Variants in BICDL1 observed in about 807,000 individuals in gnomAD.
The protein encoded by BICDL1 is BICD family-like cargo adapter 1.
A neutral mutation model predicts 76.8 loss-of-function variants in BICDL1; 20 were observed. The ratio of observed to expected loss-of-function variants is 0.26; its 90% CI spans 0.18 to 0.38. The LOEUF (loss-of-function observed/expected upper bound fraction) is 0.38, where lower values mean the gene tolerates loss of function less well. Among genes scored for constraint, BICDL1 ranks in the 10% least tolerant of loss-of-function variants. BICDL1 has a pLI of 1.00. For synonymous variants in BICDL1, 383 were observed against 337.1 expected (o/e 1.14, Z -1.49); for missense variants, 700 against 798.6 (o/e 0.88, Z 1.49).
chr12:120,070,586 T>A (rs1421847507), intron 4 of BICDL1, among the ~76,000 whole-genome samples: 1 of 152,204 alleles, frequency 6.6e-6, no homozygotes, highest in Non-Finnish European at 1.5e-5. Flanking sequence ...ACCAAAAAAA[T>A]TAGCATATTT....
At chr12:120,041,227 TA>T (rs1296413202) in intron 2 of BICDL1, among the ~76,000 whole-genome samples, 1 of 152,216 alleles carries the variant, frequency 6.6e-6, no homozygotes, top group Non-Finnish European at 1.5e-5. Context: ...TGATAATAGT[TA>T]GGGGCAAGGG....
intron 3 of BICDL1, among the ~76,000 whole-genome samples, chr12:120,062,351 G>A (rs1033645206): frequency 2.0e-5 from 3 of 152,136 alleles, no homozygotes; most frequent in Non-Finnish European, 2.9e-5. Context: ...AGAAAGTATC[G>A]GCAGGGGAAC....
intron 2 of BICDL1, among the ~76,000 whole-genome samples, chr12:120,036,370 C>A (rs1476245468): frequency 6.6e-6 from 1 of 152,182 alleles, no homozygotes; most frequent in Non-Finnish European, 1.5e-5. Flanking sequence ...TAGTTTAATT[C>A]TTTCTGCTGC....
At chr12:120,065,551 C>T (rs1953202743) in intron 4 of BICDL1, among the ~76,000 whole-genome samples, 1 of 152,190 alleles carries the variant, frequency 6.6e-6, no homozygotes, top group African/African-American at 2.4e-5. Context: ...TCCAGTCTTC[C>T]CAGAAATAGA....
rs186217481 is a variant in BICDL1 at position 120,081,939 on chromosome 12, A to C, written c.1583+922A>C. ...TACCAGAAAGAATTAAAAAAAAAAA[A>C]AACACAATACAATGATCACACTTGA... On this transcript the variant is annotated intron_variant, in intron 8 of 9. Coordinates refer to ENST00000548673, the MANE Select transcript of BICDL1 (RefSeq NM_001367886.1). 1.5e-3 allele frequency among the ~76,000 whole-genome samples: 224 copies of C among 151,322 alleles called. 2 individuals carry two copies. The highest frequency in any genetic ancestry group is 6.9e-3 in the Middle Eastern group (2 of 288).
chr12:120,008,150 CTTTTTTTTT>C (rs71072590), intron 2 of BICDL1, among the ~76,000 whole-genome samples: 2 of 61,728 alleles, frequency 3.2e-5, no homozygotes, highest in South Asian at 9.4e-4. Context: ...ATTACTCTTT[CTTTTTTTTT>C]TTTTTTTTTT....
intron 2 of BICDL1, among the ~76,000 whole-genome samples, chr12:120,031,349 G>T (rs1310625556): frequency 6.6e-6 from 1 of 151,850 alleles, no homozygotes; most frequent in Non-Finnish European, 1.5e-5. Flanking sequence ...GATGACAGGT[G>T]CCCACCACCA....
At chr12:120,023,926 G>T (rs1484212043) in intron 2 of BICDL1, among the ~76,000 whole-genome samples, 2 of 152,168 alleles carry the variant, frequency 1.3e-5, no homozygotes, top group African/African-American at 4.8e-5. Context: ...AAGAACAGGA[G>T]AGTTCTTAGA....
intron 2 of BICDL1, among the ~76,000 whole-genome samples, chr12:120,026,862 C>T (rs1952314134): frequency 6.6e-6 from 1 of 152,076 alleles, no homozygotes; most frequent in Non-Finnish European, 1.5e-5. Context: ...ATGACAAAGA[C>T]TTGGCAGTAT....
chr12:120,033,292 T>G (rs144623956), intron 2 of BICDL1, among the ~76,000 whole-genome samples: 1,829 of 151,992 alleles, frequency 0.012, 32 homozygotes, highest in Admixed American at 0.015. Context: ...ATTTATTTTA[T>G]TATAATCCTT....
At chr12:120,059,715 A>G (rs948506178) in intron 2 of BICDL1, among the ~76,000 whole-genome samples, 11 of 150,248 alleles carry the variant, frequency 7.3e-5, no homozygotes, top group African/African-American at 2.7e-4. Context: ...CAGCCTATTT[A>G]TTTATTTTTG....
chr12:120,081,164 C>T (rs1594211275), intron 8 of BICDL1, 147 bp downstream of exon 8: 1 of 692,100 alleles, frequency 1.4e-6, no homozygotes, highest in Non-Finnish European at 2.3e-6. Context: ...CCCACCCCCA[C>T]CCCCATTCCC....
intron 2 of BICDL1, among the ~76,000 whole-genome samples, chr12:120,034,614 A>G (rs72656925): frequency 0.049 from 7,499 of 152,310 alleles, 255 homozygotes; most frequent in Middle Eastern, 0.082. Context: ...CACCATTGCC[A>G]AGGATCAGGA....
At chr12:120,085,911 G>T (rs1377897454) in intron 8 of BICDL1, among the ~76,000 whole-genome samples, 1 of 151,514 alleles carries the variant, frequency 6.6e-6, no homozygotes, top group Non-Finnish European at 1.5e-5. Context: ...CATCAGCATG[G>T]AAGGTGGGAT....
Position 120,071,717 on chromosome 12 carries a change from G to A in BICDL1, c.1005G>A (p.Gln335=). ...VEELTEERSL[Q]SSAATSTSLL... is the part of the protein sequence containing the mutation. ...AACTCACTGAGGAGAGGAGTCTGCA[G>A]AGCTCTGCCGCCACCAGCACATCCC... The change falls in exon 5 of 10, where the codon CAG becomes CAA. Residue 335 remains glutamine (Q), a synonymous_variant. Coordinates refer to ENST00000548673, the MANE Select transcript of BICDL1 (RefSeq NM_001367886.1). The surrounding 1 kb of genome is among the most constrained non-coding windows in gnomAD (Gnocchi z 4.8). 6.2e-7 allele frequency: 1 copy of A among 1,612,506 alleles called. No homozygotes were observed. The highest frequency in any genetic ancestry group is 8.5e-7 in the Non-Finnish European group (1 of 1,179,894).
intron 6 of BICDL1, among the ~76,000 whole-genome samples, chr12:120,073,158 G>A (rs1197850237): frequency 1.3e-5 from 2 of 152,214 alleles, no homozygotes; most frequent in East Asian, 1.9e-4. Context: ...GCAGGCGTGA[G>A]CCACCACGCC....
chr12:120,020,946 G>A (rs548876853), intron 2 of BICDL1, among the ~76,000 whole-genome samples: 54 of 152,050 alleles, frequency 3.6e-4, no homozygotes, highest in African/African-American at 1.3e-3. Flanking sequence ...TCTTTGTATG[G>A]CCCTTGAGCC....
rs1292060934 is a variant in BICDL1, at chr12:119,989,379, G to T, written c.-490G>T. 1.3e-5 allele frequency among the ~76,000 whole-genome samples: 2 copies of T among 150,948 alleles called. No homozygotes were observed. The highest frequency in any genetic ancestry group is 4.8e-5 in the African/African-American group (2 of 41,316). ...TGGAGTGCGGCTGCAGAGAGCGGCCGCCGGCAACAGCAGCAGCAGCAGGAA... is the reference window on the plus strand; with the variant it reads ...TGGAGTGCGGCTGCAGAGAGCGGCCTCCGGCAACAGCAGCAGCAGCAGGAA... On this transcript the variant is annotated 5_prime_UTR_variant, in exon 1 of 10. Transcript: ENST00000548673.
rs968907031 is a variant in BICDL1 at position 119,989,709 on chromosome 12, G to C, written c.-160G>C. Reference sequence around the variant, plus strand: ...TGCCGCCGGCGCGGGGGAGGGGCGGGCCGGCGCGCGCCGCGCCCAGGGCTC... The same window carrying C: ...TGCCGCCGGCGCGGGGGAGGGGCGGCCCGGCGCGCGCCGCGCCCAGGGCTC... On this transcript the variant is annotated 5_prime_UTR_variant, in exon 1 of 10. Transcript: ENST00000548673. 1.7e-4 allele frequency among the ~76,000 whole-genome samples: 24 copies of C among 145,110 alleles called. No individual in the cohort carries two copies. The highest frequency in any genetic ancestry group is 5.9e-4 in the African/African-American group (24 of 40,606).
Sources: gnomAD v4.1 joint callset for allele counts (sites outside exome capture counted in the v4.1 genomes callset) on GRCh38, gnomAD v4.1.1 for gene constraint, Gnocchi (gnomAD v3.1) non-coding constraint, MANE v1.5 for transcripts, NCBI Gene and HGNC (gene_info 2026-07-23, HGNC 2026-07-21) for gene names.